Variants in ZNF407 observed in about 807,000 individuals in gnomAD.
The protein encoded by ZNF407 is zinc finger protein 407.
A neutral mutation model predicts 131.2 loss-of-function variants in ZNF407; 17 were observed. That is an observed-to-expected ratio of 0.13 (90% CI 0.09 to 0.19). The LOEUF (loss-of-function observed/expected upper bound fraction) is 0.19, where lower values mean the gene tolerates loss of function less well. Ranked by LOEUF, ZNF407 falls within the 10% of genes least tolerant of loss-of-function variation. The probability of loss-of-function intolerance (pLI) is 1.00; values close to 1 mark genes in which losing one functional copy is unlikely to be tolerated. For synonymous variants in ZNF407, 1,156 were observed against 1,062.0 expected (o/e 1.09, Z -1.72); for missense variants, 2,681 against 2,830.6 (o/e 0.95, Z 1.20).
At chr18:74,707,433 G>GT (rs965816005) in intron 3 of ZNF407, among the ~76,000 whole-genome samples, 8 of 151,824 alleles carry the variant, frequency 5.3e-5, no homozygotes, top group Non-Finnish European at 8.8e-5. Context: ...GGATTTTGAG[G>GT]TTTTTTTTGA....
intron 3 of ZNF407, among the ~76,000 whole-genome samples, chr18:74,721,414 A>C (rs575149215): frequency 6.6e-6 from 1 of 152,272 alleles, no homozygotes; most frequent in Middle Eastern, 3.4e-3. Context: ...AGAGAGAAAT[A>C]AGTGGCGTCC....
chr18:74,934,728 C>T (rs1972020384), intron 8 of ZNF407, among the ~76,000 whole-genome samples: 1 of 152,290 alleles, frequency 6.6e-6, no homozygotes, highest in Admixed American at 6.5e-5. Flanking sequence ...ATCACTTGAA[C>T]CCGGGAGGTG....
Position 75,051,171 on chromosome 18 carries a change from A to G in ZNF407, c.5429-11979A>G, listed in dbSNP as rs1309545890. ...GTGTGGGTGTCTACCTAATGTCTCTAAAACCCAAAGTAACTTTCAAATTAA... is the reference window on the plus strand; with the variant it reads ...GTGTGGGTGTCTACCTAATGTCTCTGAAACCCAAAGTAACTTTCAAATTAA... On this transcript the variant is annotated intron_variant, in intron 8 of 8. Coordinates refer to ENST00000299687, the MANE Select transcript of ZNF407 (RefSeq NM_017757.3). Among the ~76,000 whole-genome samples the G allele has an allele frequency of 2.6e-5, 4 of 152,188 alleles. No individual in the cohort carries two copies. The South Asian group carries it at 6.2e-4, about 24-fold the overall frequency.
At chr18:74,687,641 GTTAAA>G (rs963380566) in intron 3 of ZNF407, among the ~76,000 whole-genome samples, 8 of 152,288 alleles carry the variant, frequency 5.3e-5, no homozygotes, top group South Asian at 4.1e-4. Flanking sequence ...TCAAGCCACT[GTTAAA>G]TTAATATCTA....
intron 3 of ZNF407, among the ~76,000 whole-genome samples, chr18:74,750,674 A>G (rs1968780075): frequency 1.3e-5 from 2 of 152,186 alleles, no homozygotes; most frequent in Non-Finnish European, 2.9e-5. Flanking sequence ...GGTGCTGTGA[A>G]CGTTTCTGCA....
At chr18:75,014,926 A>C (rs1973025458) in intron 8 of ZNF407, among the ~76,000 whole-genome samples, 1 of 152,158 alleles carries the variant, frequency 6.6e-6, no homozygotes, top group Non-Finnish European at 1.5e-5. Context: ...AGAAACATAC[A>C]TCATGTTACT....
chr18:74,916,208 GTA>G (rs1971758004), intron 7 of ZNF407, among the ~76,000 whole-genome samples: 1 of 105,642 alleles, frequency 9.5e-6, no homozygotes, highest in Non-Finnish European at 1.8e-5. Context: ...GTGTGTGTGT[GTA>G]TGTGTGTGTG....
intron 3 of ZNF407, among the ~76,000 whole-genome samples, chr18:74,693,543 T>A (rs1165917414): frequency 1.3e-5 from 2 of 152,212 alleles, no homozygotes; most frequent in African/African-American, 2.4e-5. Context: ...GTTGAGAATT[T>A]GTATTTTCCT....
At chr18:74,809,117 G>A (rs902228368) in intron 4 of ZNF407, among the ~76,000 whole-genome samples, 1 of 152,068 alleles carries the variant, frequency 6.6e-6, no homozygotes, top group African/African-American at 2.4e-5. Context: ...ACAGCAAAAC[G>A]TCAGGTAATC....
intron 8 of ZNF407, among the ~76,000 whole-genome samples, chr18:75,005,339 C>CT (rs1484757710): frequency 1.3e-5 from 2 of 151,800 alleles, no homozygotes; most frequent in East Asian, 3.9e-4. Context: ...AAGAACTTGC[C>CT]TTTTTTTTCT....
At chr18:74,767,649 CTTTTTTTTTT>C (rs71905017) in intron 3 of ZNF407, among the ~76,000 whole-genome samples, 3 of 84,420 alleles carry the variant, frequency 3.6e-5, no homozygotes, top group African/African-American at 9.7e-5. Flanking sequence ...TCTGAATTCT[CTTTTTTTTTT>C]TTTTTTTTTT....
At chr18:74,811,941 T>G (rs1248177580) in intron 4 of ZNF407, among the ~76,000 whole-genome samples, 1 of 151,034 alleles carries the variant, frequency 6.6e-6, no homozygotes, top group Non-Finnish European at 1.5e-5. Context: ...AAATGACGAG[T>G]TAATGGGTGC....
At chr18:74,619,081 T>A (rs1356255160) in intron 1 of ZNF407, among the ~76,000 whole-genome samples, 1 of 152,242 alleles carries the variant, frequency 6.6e-6, no homozygotes, top group Non-Finnish European at 1.5e-5. Flanking sequence ...AGTGGTTTAT[T>A]TTCCCCAGAT....
At chr18:74,662,374 C>G (rs1256385796) in intron 3 of ZNF407, among the ~76,000 whole-genome samples, 5 of 152,120 alleles carry the variant, frequency 3.3e-5, no homozygotes, top group African/African-American at 7.2e-5. Context: ...TATCATTATA[C>G]TATCACTTAC....
At position 75,000,524 on chromosome 18, in the gene ZNF407, G is replaced by A. The variant is rs1363284110; in HGVS notation, c.5429-62626G>A. On this transcript the variant is annotated intron_variant, in intron 8 of 8. Transcript: ENST00000299687. ...AGCCTAGTAAAATTTAGACCAGTGT[G>A]ATCCTCTGAAATAAATCTGTCAAAG... 9.2e-5 allele frequency among the ~76,000 whole-genome samples: 14 copies of A among 152,266 alleles called. No individual in the cohort carries two copies. The East Asian group carries it at 2.1e-3, about 23-fold the overall frequency.
intron 8 of ZNF407, among the ~76,000 whole-genome samples, chr18:74,974,170 T>A (rs535430443): frequency 6.6e-6 from 1 of 152,322 alleles, no homozygotes; most frequent in Admixed American, 6.5e-5. Flanking sequence ...GTCTCCCACC[T>A]CGAATCCTGT....
chr18:74,769,080 T>C (rs72971379), intron 3 of ZNF407, among the ~76,000 whole-genome samples: 2 of 152,280 alleles, frequency 1.3e-5, no homozygotes, highest in African/African-American at 2.4e-5. Context: ...CTACAGTAAG[T>C]CTTCGCCTTA....
intron 8 of ZNF407, among the ~76,000 whole-genome samples, chr18:75,057,093 G>A (rs1030714427): frequency 6.6e-6 from 1 of 151,510 alleles, no homozygotes; most frequent in African/African-American, 2.4e-5. Context: ...CTTTCATTAC[G>A]ACAAGGAACC....
chr18:74,744,708 T>C (rs1968626766), intron 3 of ZNF407, among the ~76,000 whole-genome samples: 1 of 151,978 alleles, frequency 6.6e-6, no homozygotes, highest in African/African-American at 2.4e-5. Context: ...TGGAAACAAC[T>C]CAAATGTTCA....
Sources: gnomAD v4.1 joint callset for allele counts (sites outside exome capture counted in the v4.1 genomes callset) on GRCh38, gnomAD v4.1.1 for gene constraint, MANE v1.5 for transcripts, NCBI Gene and HGNC (gene_info 2026-07-23, HGNC 2026-07-21) for gene names.